The following NACC2 variants were observed in gnomAD, a reference collection of about 807,000 sequenced individuals.
NACC2 encodes nucleus accumbens-associated protein 2.
NACC2 carries 8 observed loss-of-function variants against 25.1 expected under a neutral mutation model. The ratio of observed to expected loss-of-function variants is 0.32; its 90% CI spans 0.19 to 0.57. The LOEUF (loss-of-function observed/expected upper bound fraction) is 0.57, where lower values mean the gene tolerates loss of function less well. Ranked by LOEUF, NACC2 falls within the 20% of genes least tolerant of loss-of-function variation. The pLI is 0.89. For synonymous variants in NACC2, 435 were observed against 294.7 expected (o/e 1.48, Z -4.88); for missense variants, 644 against 650.2 (o/e 0.99, Z 0.10).
chr9:136,092,239 G>C (rs989464063), intron 1 of NACC2, among the ~76,000 whole-genome samples: 1 of 152,160 alleles, frequency 6.6e-6, no homozygotes, highest in African/African-American at 2.4e-5. Flanking sequence ...GGGCACTTCG[G>C]GGAAGGCCCA....
chr9:136,024,313 T>G (rs184958068), intron 2 of NACC2, among the ~76,000 whole-genome samples: 278 of 30,012 alleles, frequency 9.3e-3, no homozygotes, highest in Middle Eastern at 0.021. Context: ...GACAGAGGGT[T>G]TGTGTGAGGA....
intron 1 of NACC2, among the ~76,000 whole-genome samples, chr9:136,061,500 A>AGGCAGAGAGAAGGC (rs1841009666): frequency 6.6e-6 from 1 of 152,138 alleles, no homozygotes. Flanking sequence ...AAGGGGCTGG[A>AGGCAGAGAGAAGGC]GGCAGAGAGA....
At chr9:136,028,832 G>C (rs550363249) in intron 2 of NACC2, among the ~76,000 whole-genome samples, 1 of 152,224 alleles carries the variant, frequency 6.6e-6, no homozygotes, top group East Asian at 1.9e-4. Context: ...TCCGATTTTG[G>C]AGCAAAGTTG....
rs371919636 is a variant in NACC2 at position 136,011,754 on chromosome 9, A to C, written c.1526T>G (p.Leu509Arg). Residue 509 changes from leucine (L) to arginine (R), a missense_variant, in exon 6 of 6, where the codon CTG becomes CGG. Leu to Arg is a moderately radical substitution (Grantham distance 102). Coordinates refer to ENST00000277554, the MANE Select transcript of NACC2 (RefSeq NM_144653.5). ...GTCAACATTCACGGCGTCAGTTCTC[A>C]GAGCCACGATGGTGGCGGCGTCGCC... is the stretch of plus-strand genomic sequence containing the variant. ...RRGDAATIVA[L>R]RTDAVNVDLS... 151 of 1,543,576 alleles carry C rather than the reference A, an allele frequency of 9.8e-5. No homozygotes were observed. In the East Asian group the frequency reaches 2.8e-3, roughly 28 times the overall value.
chr9:136,075,410 T>C (rs926799930), intron 1 of NACC2, among the ~76,000 whole-genome samples: 6 of 152,222 alleles, frequency 3.9e-5, no homozygotes, highest in Non-Finnish European at 8.8e-5. Flanking sequence ...CTCCCCGGGC[T>C]TGGAACTCGG....
At position 136,018,026 on chromosome 9, in the gene NACC2, G is replaced by A. The variant is rs1840229099; in HGVS notation, c.887-1597C>T. Among the ~76,000 whole-genome samples, 1 of 152,138 alleles carries A rather than the reference G, an allele frequency of 6.6e-6. No individual in the cohort carries two copies. The highest frequency in any genetic ancestry group is 6.5e-5 in the Admixed American group (1 of 15,286). ...TGGGAAGTCCCCCGGTGGGGGGCGG[G>A]GGGCAGCTTGCAGGACCTGCTGGTC... On this transcript the variant is annotated intron_variant, in intron 2 of 5. Transcript: ENST00000277554. The surrounding 1 kb of genome is among the most constrained non-coding windows in gnomAD (Gnocchi z 4.4).
At chr9:136,044,900 C>T (rs914045105) in intron 2 of NACC2, among the ~76,000 whole-genome samples, 1 of 152,204 alleles carries the variant, frequency 6.6e-6, no homozygotes, top group African/African-American at 2.4e-5. Context: ...CCACCCAAGC[C>T]TGGGTGTTCA....
rs931784416 is a variant in NACC2, at chr9:136,025,309, T to C, written c.887-8880A>G. On this transcript the variant is annotated intron_variant, in intron 2 of 5. Transcript: ENST00000277554. ...TTTGAGGAGTGCTGCTTACGACTCC[T>C]CACCTGTTTTCACACGATGTCCGGC... Among the ~76,000 whole-genome samples the C allele has an allele frequency of 3.3e-5, 5 of 152,230 alleles. No homozygotes were observed. The East Asian group carries it at 9.7e-4, about 29-fold the overall frequency.
chr9:136,081,878 C>T (rs996509392), intron 1 of NACC2, among the ~76,000 whole-genome samples: 1 of 152,054 alleles, frequency 6.6e-6, no homozygotes, highest in African/African-American at 2.4e-5. Context: ...CCCACCGGAC[C>T]CCTGCTGTCT....
chr9:136,065,564 G>C (rs192328569), intron 1 of NACC2, among the ~76,000 whole-genome samples: 3 of 152,358 alleles, frequency 2.0e-5, no homozygotes, highest in African/African-American at 7.2e-5. Context: ...AGGTTGTGGT[G>C]AGCCAAGATT....
rs1372369210 is a variant in NACC2, at chr9:136,020,737, A to G, written c.887-4308T>C. ...TACAGTCATGAAGCCTGCATGGTTC[A>G]GGGAAGTGGACAGACAGGTCAATGG... On this transcript the variant is annotated intron_variant, in intron 2 of 5. Transcript: ENST00000277554. The surrounding 1 kb of genome is among the most constrained non-coding windows in gnomAD (Gnocchi z 4.7). Among the ~76,000 whole-genome samples, 4 of 152,220 alleles carry G rather than the reference A, an allele frequency of 2.6e-5. No homozygotes were observed. The highest frequency in any genetic ancestry group is 2.9e-5 in the Non-Finnish European group (2 of 68,030).
At position 136,055,059 on chromosome 9, in the gene NACC2, C is replaced by T. The variant is rs1249100753; in HGVS notation, c.-59-4479G>A. 6.6e-6 allele frequency among the ~76,000 whole-genome samples: 1 copy of T among 152,092 alleles called. No individual in the cohort carries two copies. The highest frequency in any genetic ancestry group is 6.5e-5 in the Admixed American group (1 of 15,280). On this transcript the variant is annotated intron_variant, in intron 1 of 5. Transcript: ENST00000277554. This position sits in a 1 kb window ranked among gnomAD's most constrained non-coding sequence, Gnocchi z 4.9. Reference sequence around the variant, plus strand: ...AAGAAAATACAGGTGGCTGTGGTGTCGGAGTGGGGGGTCTCTCCTCTGCAG... The same window carrying T: ...AAGAAAATACAGGTGGCTGTGGTGTTGGAGTGGGGGGTCTCTCCTCTGCAG...
chr9:136,022,297 G>A lies in NACC2; in HGVS notation c.887-5868C>T, dbSNP rs994501680. Among the ~76,000 whole-genome samples, 3 of 152,162 alleles carry A rather than the reference G, an allele frequency of 2.0e-5. No homozygotes were observed. Among genetic ancestry groups the A allele is most frequent in the African/African-American group, 4.8e-5 (2 of 41,430 alleles). On this transcript the variant is annotated intron_variant, in intron 2 of 5. Transcript: ENST00000277554. This position sits in a 1 kb window ranked among gnomAD's most constrained non-coding sequence, Gnocchi z 4.4. ...GGGTGCCCCACATGCAGTGGGCCTC[G>A]GGGAGATGACCACACTCTCCACATG...
chr9:136,069,534 G>A (rs986600233), intron 1 of NACC2, among the ~76,000 whole-genome samples: 5 of 150,902 alleles, frequency 3.3e-5, no homozygotes, highest in Admixed American at 6.6e-5. Context: ...GGGTGAAAGA[G>A]TGAAACTCTG....
At chr9:136,057,061 G>A (rs1840935607) in intron 1 of NACC2, among the ~76,000 whole-genome samples, 2 of 152,176 alleles carry the variant, frequency 1.3e-5, no homozygotes, top group Admixed American at 6.5e-5. Flanking sequence ...TACCTCGAGG[G>A]AGGGCTGGGA....
At chr9:136,052,539 G>C (rs1361911153) in intron 1 of NACC2, among the ~76,000 whole-genome samples, 2 of 152,094 alleles carry the variant, frequency 1.3e-5, no homozygotes, top group East Asian at 3.9e-4. Context: ...CAGGCAGTGG[G>C]TGGGTGAGGC....
rs1284635008 is a variant in NACC2, at chr9:136,013,935, C to T, written c.1086G>A (p.Met362Ile). The T allele has an allele frequency of 6.2e-7, 1 of 1,612,636 alleles. No individual in the cohort carries two copies. The highest frequency in any genetic ancestry group is 1.3e-5 in the African/African-American group (1 of 74,900). The change falls in exon 4 of 6, where the codon ATG becomes ATA. Residue 362 changes from methionine to isoleucine, a missense_variant. By Grantham distance (10) the Met-to-Ile change is conservative (BLOSUM62 1). Coordinates refer to ENST00000277554, the MANE Select transcript of NACC2 (RefSeq NM_144653.5). This position sits in a 1 kb window ranked among gnomAD's most constrained non-coding sequence, Gnocchi z 6.6. Reference sequence around the variant, plus strand: ...TCACCCCTGCACACAGGTGGCAGTTCATCAGCTGGCCGCGTGTGATGTAGA... The same window carrying T: ...TCACCCCTGCACACAGGTGGCAGTTTATCAGCTGGCCGCGTGTGATGTAGA... Reference protein sequence around the residue: ...SGVYITRGQLMNCHLCAGVKH... With the variant: ...SGVYITRGQLINCHLCAGVKH...
In NACC2 at chr9:136,011,963, G is replaced by A. The variant is rs769396661; in HGVS notation, c.1317C>T (p.Asp439=). Residue 439 remains aspartate, a synonymous_variant, in exon 6 of 6, where the codon GAC becomes GAT. Transcript: ENST00000277554. ...GAACGCGGCGGGCGTTGGTGCACAT[G>A]TCCGCGGCGATCACGTTCATCTCGC... ...KESEMNVIAA[D]MCTNARRVRK... 37 of 1,606,330 alleles carry A rather than the reference G, an allele frequency of 2.3e-5. 1 individual carries two copies. In the South Asian group the frequency reaches 4.0e-4, roughly 17 times the overall value.
At chr9:136,093,108 T>C (rs1564246889) in intron 1 of NACC2, among the ~76,000 whole-genome samples, 1 of 152,132 alleles carries the variant, frequency 6.6e-6, no homozygotes, top group Non-Finnish European at 1.5e-5. Flanking sequence ...AGGTGGAACC[T>C]TGGGAACTCA....
Sources: gnomAD v4.1 joint callset for allele counts (sites outside exome capture counted in the v4.1 genomes callset) on GRCh38, gnomAD v4.1.1 for gene constraint, Gnocchi (gnomAD v3.1) non-coding constraint, MANE v1.5 for transcripts, NCBI Gene and HGNC (gene_info 2026-07-23, HGNC 2026-07-21) for gene names.